The following PREX2 variants were observed in gnomAD, a reference collection of about 807,000 sequenced individuals.
PREX2 encodes the protein phosphatidylinositol 3,4,5-trisphosphate-dependent Rac exchanger 2 protein.
In PREX2, 107 loss-of-function variants were observed where a neutral mutation model predicts 203.2. The ratio of observed to expected loss-of-function variants is 0.53; its 90% CI spans 0.45 to 0.62. The LOEUF is 0.62. Among genes scored for constraint, PREX2 ranks in the 20% least tolerant of loss-of-function variants. The pLI is 0.00. For missense variants in PREX2, 1,777 were observed against 1,955.9 expected (o/e 0.91, Z 1.72); for synonymous variants, 672 against 663.6 (o/e 1.01, Z -0.19).
intron 15 of PREX2, among the ~76,000 whole-genome samples, chr8:68,079,974 A>T (rs940641273): frequency 8.0e-6 from 1 of 125,104 alleles, no homozygotes; most frequent in African/African-American, 3.0e-5. Context: ...GAACACAATG[A>T]GAGTTGTTCA....
At chr8:68,047,693 A>G (rs1427253742) in intron 8 of PREX2, among the ~76,000 whole-genome samples, 1 of 151,068 alleles carries the variant, frequency 6.6e-6, no homozygotes, top group Admixed American at 6.6e-5. Context: ...GGCACTTAGA[A>G]CTTGTGATGG....
intron 13 of PREX2, among the ~76,000 whole-genome samples, chr8:68,070,145 C>A (rs1473808113): frequency 6.6e-6 from 1 of 151,562 alleles, no homozygotes; most frequent in Non-Finnish European, 1.5e-5. Context: ...TTGAAATAAT[C>A]CACTTTCAGT....
At chr8:68,191,943 T>G (rs1812303258) in intron 36 of PREX2, among the ~76,000 whole-genome samples, 155 bp downstream of exon 36, 2 of 152,214 alleles carry the variant, frequency 1.3e-5, no homozygotes, top group Non-Finnish European at 2.9e-5. Flanking sequence ...TATTCATTTA[T>G]TTATTTTTAT....
At chr8:68,010,692 T>G (rs1807233489) in intron 1 of PREX2, among the ~76,000 whole-genome samples, 1 of 152,190 alleles carries the variant, frequency 6.6e-6, no homozygotes, top group African/African-American at 2.4e-5. Context: ...CTCTCATAAA[T>G]GCTCACCACA....
intron 20 of PREX2, among the ~76,000 whole-genome samples, chr8:68,092,783 T>G (rs562900866): frequency 1.3e-5 from 2 of 152,156 alleles, no homozygotes; most frequent in Non-Finnish European, 2.9e-5. Context: ...AGATAATTGA[T>G]TCATCAGACA....
At chr8:67,986,493 G>T (rs1040534990) in intron 1 of PREX2, among the ~76,000 whole-genome samples, 24 of 151,640 alleles carry the variant, frequency 1.6e-4, no homozygotes, top group African/African-American at 4.3e-4. Context: ...GCTTGTCTAC[G>T]TGCAAATGAC....
chr8:68,081,708 T>C (rs1475698129), intron 17 of PREX2, among the ~76,000 whole-genome samples: 1 of 152,166 alleles, frequency 6.6e-6, no homozygotes, highest in Non-Finnish European at 1.5e-5. Flanking sequence ...TTCATCAGCC[T>C]TTTTGAGACA....
chr8:68,112,665 A>G (rs2129612894), intron 25 of PREX2, among the ~76,000 whole-genome samples: 1 of 152,200 alleles, frequency 6.6e-6, no homozygotes, highest in East Asian at 1.9e-4. Context: ...TTCTCACAGT[A>G]CTTCTGTGAG....
At chr8:68,003,238 A>T (rs1806995793) in intron 1 of PREX2, among the ~76,000 whole-genome samples, 1 of 151,294 alleles carries the variant, frequency 6.6e-6, no homozygotes, top group Non-Finnish European at 1.5e-5. Context: ...CTGGACTCAA[A>T]CTCCTGGGCT....
rs1382967565 is a variant in PREX2, at chr8:68,217,731, C to A, written c.4707+13C>A. ...GATGCGGAAGCAGGTAGGTCTCATG[C>A]AGACTTGGGAATAGTTGTTTTGTAG... On this transcript the variant is annotated intron_variant, in intron 38 of 39. Transcript: ENST00000288368. 1.3e-6 allele frequency: 2 copies of A among 1,591,400 alleles called. No homozygotes were observed. Among genetic ancestry groups the A allele is most frequent in the Non-Finnish European group, 1.7e-6 (2 of 1,160,264 alleles).
intron 32 of PREX2, among the ~76,000 whole-genome samples, chr8:68,137,772 C>T (rs1811141985): frequency 6.6e-6 from 1 of 152,120 alleles, no homozygotes; most frequent in African/African-American, 2.4e-5. Flanking sequence ...CCTTACTTGC[C>T]TTAGCTATAA....
In PREX2 at chr8:67,955,005, G is replaced by A. The variant is rs190014559; in HGVS notation, c.141+2470G>A. ...TAAAAATACAAAAAATTAGCCGGGC[G>A]TGGTGGTGGACACCTTTAATCCCAG... is the stretch of plus-strand genomic sequence containing the variant. On this transcript the variant is annotated intron_variant, in intron 1 of 39. Transcript: ENST00000288368. Among the ~76,000 whole-genome samples, 11 of 151,944 alleles carry A rather than the reference G, an allele frequency of 7.2e-5. No individual in the cohort carries two copies. In the East Asian group the frequency reaches 1.7e-3, roughly 24 times the overall value.
At chr8:68,087,610 A>C in intron 18 of PREX2, 114 bp from the exon 19 acceptor site, 1 of 802,598 alleles carries the variant, frequency 1.2e-6, no homozygotes, top group Non-Finnish European at 2.2e-6. Flanking sequence ...AACATCTTTC[A>C]CACTGTAGAT....
At chr8:68,094,061 G>C (rs1050494820) in intron 21 of PREX2, among the ~76,000 whole-genome samples, 1 of 152,194 alleles carries the variant, frequency 6.6e-6, no homozygotes, top group African/African-American at 2.4e-5. Flanking sequence ...AAGTAGTAGA[G>C]TGAGGATTCA....
At chr8:68,167,035 C>T (rs1017021370) in intron 35 of PREX2, among the ~76,000 whole-genome samples, 15 of 152,296 alleles carry the variant, frequency 9.8e-5, no homozygotes, top group East Asian at 1.9e-4. Flanking sequence ...GAGAATATAA[C>T]TCTTGACTCC....
intron 1 of PREX2, among the ~76,000 whole-genome samples, chr8:67,966,764 T>G (rs1157281032): frequency 1.3e-5 from 2 of 152,250 alleles, no homozygotes; most frequent in Non-Finnish European, 2.9e-5. Context: ...AGCATTGTGA[T>G]TGATTCTCTC....
rs112802505 is a variant in PREX2, at chr8:68,138,080, A to G, written c.3985-335A>G. Reference sequence around the variant, plus strand: ...TATAAGATTTTAGAAGTTTAGATGCAAATAGCATGCTTTTTGTGTTCTGTA... The same window carrying G: ...TATAAGATTTTAGAAGTTTAGATGCGAATAGCATGCTTTTTGTGTTCTGTA... On this transcript the variant is annotated intron_variant, in intron 32 of 39. Transcript: ENST00000288368. 2.0e-5 allele frequency among the ~76,000 whole-genome samples: 3 copies of G among 152,342 alleles called. 1 individual carries two copies. Among genetic ancestry groups the G allele is most frequent in the African/African-American group, 7.2e-5 (3 of 41,582 alleles).
chr8:67,998,624 T>C (rs1263199106), intron 1 of PREX2, among the ~76,000 whole-genome samples: 1 of 152,074 alleles, frequency 6.6e-6, no homozygotes, highest in Non-Finnish European at 1.5e-5. Flanking sequence ...AAAAATTAGC[T>C]AGGCACGGTG....
At chr8:68,184,699 A>G (rs142819396) in intron 35 of PREX2, among the ~76,000 whole-genome samples, 375 of 152,296 alleles carry the variant, frequency 2.5e-3, no homozygotes, top group South Asian at 5.0e-3. Context: ...CGAGGCTCTT[A>G]GGCCTTAATC....
Sources: gnomAD v4.1 joint callset for allele counts (sites outside exome capture counted in the v4.1 genomes callset) on GRCh38, gnomAD v4.1.1 for gene constraint, MANE v1.5 for transcripts, NCBI Gene and HGNC (gene_info 2026-07-23, HGNC 2026-07-21) for gene names.